The following MAPK8IP3 variants were observed in gnomAD, a reference collection of about 807,000 sequenced individuals.
MAPK8IP3 encodes the protein mitogen-activated protein kinase 8 interacting protein 3.
MAPK8IP3 carries 49 observed loss-of-function variants against 157.8 expected under a neutral mutation model. That is an observed-to-expected ratio of 0.31 (90% CI 0.25 to 0.39). MAPK8IP3 has a LOEUF of 0.39. Among genes scored for constraint, MAPK8IP3 ranks in the 10% least tolerant of loss-of-function variants. The probability of loss-of-function intolerance (pLI) is 1.00; values close to 1 mark genes in which losing one functional copy is unlikely to be tolerated. For missense variants in MAPK8IP3, 1,478 were observed against 1,889.4 expected (o/e 0.78, Z 4.04); for synonymous variants, 897 against 777.7 (o/e 1.15, Z -2.55).
intron 12 of MAPK8IP3, 137 bp from the exon 13 acceptor site, chr16:1,761,087 T>C (rs1217427064): frequency 2.9e-6 from 2 of 700,446 alleles, no homozygotes; most frequent in Non-Finnish European, 2.5e-6. Context: ...AAACGGCTGC[T>C]GAAGGGGTCC....
chr16:1,735,483 G>A lies in MAPK8IP3; in HGVS notation c.602+5905G>A, dbSNP rs561713701. Among the ~76,000 whole-genome samples, 114 of 137,770 alleles carry A rather than the reference G, an allele frequency of 8.3e-4. 1 individual carries two copies. The highest frequency in any genetic ancestry group is 4.4e-3 in the Middle Eastern group (1 of 228). 90.4% of individuals were successfully genotyped at this position (137,770 alleles called of 152,430 possible). ...TGAGCGTCCGTGTGAGAGTGTGACC[G>A]TCCATGTGAGCGTCCGTGTGACCAT... On this transcript the variant is annotated intron_variant, in intron 4 of 31. Coordinates refer to ENST00000610761, the MANE Select transcript of MAPK8IP3 (RefSeq NM_001318852.2).
At chr16:1,752,506 GC>G in intron 8 of MAPK8IP3, 1 of 362,564 alleles carries the variant, frequency 2.8e-6, no homozygotes, top group South Asian at 2.0e-5. Flanking sequence ...GCTTTGGGAG[GC>G]CAGGGCAGGA....
In MAPK8IP3 at chr16:1,767,299, C is replaced by T. The variant is rs1231277308; in HGVS notation, c.3237+2C>T. Reference sequence around the variant, plus strand: ...CAGCCCAAGACCATGCAGATAGAGGCGAGTGCCGGCCAGGGCCCCGGGGAG... The same window carrying T: ...CAGCCCAAGACCATGCAGATAGAGGTGAGTGCCGGCCAGGGCCCCGGGGAG... On this transcript the variant is annotated splice_donor_variant, in intron 26 of 31. Coordinates refer to ENST00000610761, the MANE Select transcript of MAPK8IP3 (RefSeq NM_001318852.2). LOFTEE classifies it low-confidence loss of function (GC_TO_GT_DONOR). The T allele has an allele frequency of 3.7e-6, 6 of 1,612,922 alleles. No individual in the cohort carries two copies. Among genetic ancestry groups the T allele is most frequent in the East Asian group, 2.2e-5 (1 of 44,876 alleles).
chr16:1,733,588 G>A (rs1354273719), intron 4 of MAPK8IP3, among the ~76,000 whole-genome samples: 5 of 152,212 alleles, frequency 3.3e-5, no homozygotes, highest in South Asian at 2.1e-4. Flanking sequence ...AGGTGTCCCC[G>A]CGGGACCCAG....
At chr16:1,766,190 C>T (rs1234986902) in intron 21 of MAPK8IP3, 30 bp from the exon 22 acceptor site, 8 of 1,602,590 alleles carry the variant, frequency 5.0e-6, no homozygotes, top group Non-Finnish European at 6.0e-6. Context: ...CACGTTTCTG[C>T]CCAGCCCAAG....
In MAPK8IP3 at chr16:1,768,228, G is replaced by A. The variant is rs2042393635; in HGVS notation, c.3592G>A (p.Gly1198Ser). The A allele has an allele frequency of 2.5e-6, 4 of 1,612,520 alleles. No homozygotes were observed. The highest frequency in any genetic ancestry group is 3.4e-6 in the Non-Finnish European group (4 of 1,179,964). The change falls in exon 30 of 32, where the codon GGC becomes AGC. Residue 1198 changes from glycine to serine, a missense_variant. Transcript: ENST00000610761. ...ANKTSPTSGEGARPGGIIHVY... is the reference protein window; with the variant it reads ...ANKTSPTSGESARPGGIIHVY... ...TAAGACATCCCCCACCTCTGGGGAG[G>A]GCGCCCGTCCCGGGGGCATCATCCA...
At chr16:1,754,544 T>C (rs2041481112) in intron 8 of MAPK8IP3, among the ~76,000 whole-genome samples, 1 of 151,924 alleles carries the variant, frequency 6.6e-6, no homozygotes, top group African/African-American at 2.4e-5. Flanking sequence ...GAGGCCAGGG[T>C]GGGCGGATCA....
Position 1,762,402 on chromosome 16 carries a change from C to T in MAPK8IP3, c.1591C>T (p.Arg531Cys). The T allele has an allele frequency of 6.2e-7, 1 of 1,600,098 alleles. No homozygotes were observed. The highest frequency in any genetic ancestry group is 8.5e-7 in the Non-Finnish European group (1 of 1,173,556). The stretch of plus-strand genomic sequence containing the variant: ...CCGCTTCACGCGGGTGGAGATGGCC[C>T]GTGTGCTCATGGAGCGGAACCAGTA... ...RRRFTRVEMA[R>C]VLMERNQYKE... The change falls in exon 14 of 32, where the codon CGT becomes TGT. Residue 531 changes from arginine (R) to cysteine (C), a missense_variant. Physicochemically the swap from Arg to Cys is radical, Grantham distance 180 (BLOSUM62 -3). Coordinates refer to ENST00000610761, the MANE Select transcript of MAPK8IP3 (RefSeq NM_001318852.2).
intron 4 of MAPK8IP3, among the ~76,000 whole-genome samples, chr16:1,734,216 T>C (rs1413526109): frequency 2.0e-5 from 3 of 152,222 alleles, no homozygotes; most frequent in African/African-American, 7.2e-5. Flanking sequence ...AAGAAGGCGC[T>C]GGGGCTGGCG....
At chr16:1,715,259 A>G (rs916205758) in intron 1 of MAPK8IP3, among the ~76,000 whole-genome samples, 3 of 152,116 alleles carry the variant, frequency 2.0e-5, no homozygotes, top group Non-Finnish European at 4.4e-5. Flanking sequence ...CCCCACACGT[A>G]ATACCTGAAT....
At position 1,743,366 on chromosome 16, in the gene MAPK8IP3, C is replaced by G; in HGVS notation, c.637C>G (p.Pro213Ala). Residue 213 changes from proline to alanine, a missense_variant, in exon 5 of 32, where the codon CCC becomes GCC. Transcript: ENST00000610761. This position sits in a 1 kb window ranked among gnomAD's most constrained non-coding sequence, Gnocchi z 5.6. ...KERPTSLNVF[P>A]LADGTVRAQI... The stretch of plus-strand genomic sequence containing the variant: ...GCGCCCCACCTCCCTGAACGTGTTC[C>G]CCCTGGCTGACGGCACGGTACGTGC... The G allele has an allele frequency of 6.3e-7, 1 of 1,576,626 alleles. No individual in the cohort carries two copies. Among genetic ancestry groups the G allele is most frequent in the Non-Finnish European group, 8.6e-7 (1 of 1,165,060 alleles).
Position 1,751,666 on chromosome 16 carries a change from A to T in MAPK8IP3, c.1216+2946A>T, listed in dbSNP as rs1218279766. ...TAGCATGCTCGGTGTTGACAGTCAC[A>T]TCGTCTTCACCCCCAAAAGGAAACC... On this transcript the variant is annotated intron_variant, in intron 8 of 31. Transcript: ENST00000610761. The surrounding 1 kb of genome is among the most constrained non-coding windows in gnomAD (Gnocchi z 5.0). 1 of 152,220 alleles carries T rather than the reference A, an allele frequency of 6.6e-6. No individual in the cohort carries two copies. The highest frequency in any genetic ancestry group is 3.2e-3 in the Middle Eastern group (1 of 316). The allele number at this position is 152,220 out of a possible 1,614,324, so 9.4% of individuals were successfully genotyped here. A position where few individuals can be genotyped will look rare whatever the true frequency, so the allele number is the denominator to read the frequency against.
chr16:1,728,758 G>A (rs2039081771), intron 2 of MAPK8IP3, among the ~76,000 whole-genome samples: 1 of 144,108 alleles, frequency 6.9e-6, no homozygotes, highest in African/African-American at 2.7e-5. Flanking sequence ...CCCCCCAGAC[G>A]GCCTTCACAG....
rs543167184 is a variant in MAPK8IP3, at chr16:1,713,002, C to T, written c.318+6345C>T. Among the ~76,000 whole-genome samples, 90 of 152,250 alleles carry T rather than the reference C, an allele frequency of 5.9e-4. 1 individual carries two copies. Among genetic ancestry groups the T allele is most frequent in the Non-Finnish European group, 1.1e-3 (75 of 68,048 alleles). On this transcript the variant is annotated intron_variant, in intron 1 of 31. Transcript: ENST00000610761. ...TGTTGTTTCCTTTTCTCGGCACACC[C>T]GGAGATGCTGGCCATCTGTGTGTGT...
rs1347169455 is a variant in MAPK8IP3 at position 1,706,751 on chromosome 16, G to T, written c.318+94G>T. 2.4e-6 allele frequency: 3 copies of T among 1,229,716 alleles called. No homozygotes were observed. The highest frequency in any genetic ancestry group is 3.1e-6 in the Non-Finnish European group (3 of 969,730). 76.2% of individuals were successfully genotyped at this position (1,229,716 alleles called of 1,614,324 possible). ...AACACCCGTCCCGACCCCAGACCCCGCTCCGGCACCCCGGACCGCGGGACC... is the reference window on the plus strand; with the variant it reads ...AACACCCGTCCCGACCCCAGACCCCTCTCCGGCACCCCGGACCGCGGGACC... On this transcript the variant is annotated intron_variant, in intron 1 of 31. Transcript: ENST00000610761. This position sits in a 1 kb window ranked among gnomAD's most constrained non-coding sequence, Gnocchi z 5.1.
In MAPK8IP3 at chr16:1,764,407, G is replaced by A. The variant is rs937651719; in HGVS notation, c.2228G>A (p.Arg743His). 2 of 1,604,580 alleles carry A rather than the reference G, an allele frequency of 1.2e-6. No homozygotes were observed. The highest frequency in any genetic ancestry group is 8.5e-7 in the Non-Finnish European group (1 of 1,177,096). ...APGRDPLTCD[R>H]EGDGEPKSAH... The stretch of plus-strand genomic sequence containing the variant: ...GGCCGCGATCCCCTGACCTGCGACC[G>A]CGAAGGAGACGGCGAGCCCAAGAGC... The change falls in exon 19 of 32, where the codon CGC becomes CAC. Residue 743 changes from arginine to histidine, a missense_variant. Physicochemically the swap from Arg to His is conservative, Grantham distance 29. Around this residue, in one of 11 missense-constraint regions of MAPK8IP3, gnomAD observed 669 missense variants for 759.8 expected, o/e 0.88. Transcript: ENST00000610761.
rs560247823 is a variant in MAPK8IP3, at chr16:1,767,881, C to T, written c.3486C>T (p.Thr1162=). 9.2e-5 allele frequency: 149 copies of T among 1,611,196 alleles called. No individual in the cohort carries two copies. Among genetic ancestry groups the T allele is most frequent in the Non-Finnish European group, 1.2e-4 (140 of 1,179,956 alleles). The change falls in exon 28 of 32, where the codon ACC becomes ACT. Residue 1162 remains threonine (T), a synonymous_variant. Coordinates refer to ENST00000610761, the MANE Select transcript of MAPK8IP3 (RefSeq NM_001318852.2). The part of the protein sequence containing the change: ...LVAGSRLWVG[T]GNGVVISIPL... ...CGGGCAGCCGGCTCTGGGTGGGCAC[C>T]GGCAACGGAGTGGTCATCTCCATCC...
At chr16:1,749,606 C>T (rs1596715457) in intron 8 of MAPK8IP3, among the ~76,000 whole-genome samples, 1 of 152,270 alleles carries the variant, frequency 6.6e-6, no homozygotes, top group Non-Finnish European at 1.5e-5. Context: ...GGCAGCTGAG[C>T]ACTGGCCATG....
At chr16:1,736,562 G>A (rs1396804798) in intron 4 of MAPK8IP3, among the ~76,000 whole-genome samples, 2 of 88,798 alleles carry the variant, frequency 2.3e-5, no homozygotes, top group South Asian at 5.7e-4. Context: ...GTGACTGTCC[G>A]TGTGTGACCG....
Sources: allele counts gnomAD v4.1 joint callset (sites outside exome capture counted in the v4.1 genomes callset), GRCh38; gene constraint gnomAD v4.1.1; regional missense constraint gnomAD v4.1.1; non-coding constraint Gnocchi (gnomAD v3.1); transcripts MANE v1.5; gene names NCBI Gene and HGNC (gene_info 2026-07-23, HGNC 2026-07-21).